HEMK2: variants seen among roughly 807,000 people sequenced by gnomAD.
HEMK2 encodes the protein methyltransferase HEMK2.
the HEMK2 span, among the ~76,000 whole-genome samples, chr21:28,604,126 G>A: frequency 6.6e-6 from 1 of 152,332 alleles, no homozygotes; most frequent in Admixed American, 6.5e-5. Context: ...GTCACACAAT[G>A]TTTTGGTGCA....
chr21:28,881,827 G>A, the HEMK2 span, among the ~76,000 whole-genome samples: 2 of 151,956 alleles, frequency 1.3e-5, no homozygotes, highest in Non-Finnish European at 1.5e-5. Context: ...TTGTAGAGAC[G>A]AGTTCTCACT....
chr21:28,701,318 T>A, the HEMK2 span, among the ~76,000 whole-genome samples: 2 of 152,014 alleles, frequency 1.3e-5, no homozygotes, highest in African/African-American at 2.4e-5. Flanking sequence ...GAGAAAGATA[T>A]AAAAGGCATC....
chr21:28,783,680 T>G, the HEMK2 span, among the ~76,000 whole-genome samples: 1 of 152,330 alleles, frequency 6.6e-6, no homozygotes, highest in African/African-American at 2.4e-5. Context: ...TTCGGCCCAC[T>G]GCTGCACTAT....
At chr21:28,786,797 G>C in the HEMK2 span, among the ~76,000 whole-genome samples, 1 of 151,998 alleles carries the variant, frequency 6.6e-6, no homozygotes, top group Non-Finnish European at 1.5e-5. Flanking sequence ...ATAGATAATA[G>C]TAATAACAGT....
At chr21:28,583,515 T>C in the HEMK2 span, among the ~76,000 whole-genome samples, 1 of 152,218 alleles carries the variant, frequency 6.6e-6, no homozygotes. Context: ...AACATAGACC[T>C]TGAAATAGGG....
At chr21:28,734,510 T>C in the HEMK2 span, among the ~76,000 whole-genome samples, 1 of 152,128 alleles carries the variant, frequency 6.6e-6, no homozygotes, top group Non-Finnish European at 1.5e-5. Context: ...TAGAAAGAAG[T>C]TTATATAATG....
the HEMK2 span, among the ~76,000 whole-genome samples, chr21:28,667,308 C>T: frequency 2.0e-4 from 31 of 152,206 alleles, no homozygotes; most frequent in African/African-American, 6.5e-4. Context: ...AATCCACCAT[C>T]AGGTTTCTGG....
chr21:28,774,411 G>A, the HEMK2 span, among the ~76,000 whole-genome samples: 29 of 152,122 alleles, frequency 1.9e-4, no homozygotes, highest in East Asian at 1.9e-3. Context: ...AACATGGTGA[G>A]ACACTGTCTC....
the HEMK2 span, among the ~76,000 whole-genome samples, chr21:28,721,380 G>T: frequency 2.0e-5 from 3 of 152,272 alleles, no homozygotes; most frequent in East Asian, 5.8e-4. Context: ...CTCCTAAAAT[G>T]CTGGGATGAC....
the HEMK2 span, among the ~76,000 whole-genome samples, chr21:28,748,452 G>C: frequency 6.6e-6 from 1 of 152,330 alleles, no homozygotes; most frequent in East Asian, 1.9e-4. Context: ...GTTGGAGTAA[G>C]TTCTTTTTCA....
the HEMK2 span, among the ~76,000 whole-genome samples, chr21:28,736,854 G>A: frequency 6.6e-6 from 1 of 151,556 alleles, no homozygotes; most frequent in African/African-American, 2.4e-5. Flanking sequence ...AACTGATCCA[G>A]TTGGGAAACT....
chr21:28,595,975 G>A, the HEMK2 span, among the ~76,000 whole-genome samples: 21 of 151,276 alleles, frequency 1.4e-4, no homozygotes, highest in African/African-American at 3.6e-4. Context: ...TAGTAGAGAC[G>A]GGGTTTCACC....
At chr21:28,688,380 C>T in the HEMK2 span, among the ~76,000 whole-genome samples, 2 of 152,154 alleles carry the variant, frequency 1.3e-5, no homozygotes, top group Admixed American at 1.3e-4. Context: ...CATATGCAAA[C>T]AATACTTACA....
At chr21:28,763,364 T>G in the HEMK2 span, among the ~76,000 whole-genome samples, 1 of 152,032 alleles carries the variant, frequency 6.6e-6, no homozygotes, top group African/African-American at 2.4e-5. Context: ...GGAACAAGCA[T>G]GTCATATGGT....
At chr21:28,841,750 T>G in the HEMK2 span, among the ~76,000 whole-genome samples, 1 of 151,342 alleles carries the variant, frequency 6.6e-6, no homozygotes, top group African/African-American at 2.4e-5. Flanking sequence ...TCTCACAAAA[T>G]CACCACTAAA....
chr21:28,660,111 GT>G, the HEMK2 span, among the ~76,000 whole-genome samples: 4 of 151,332 alleles, frequency 2.6e-5, no homozygotes, highest in African/African-American at 7.3e-5. Context: ...TCTTTCATTT[GT>G]TTTTTTCTAG....
chr21:28,595,712 T>C, the HEMK2 span, among the ~76,000 whole-genome samples: 3 of 152,182 alleles, frequency 2.0e-5, no homozygotes, highest in Admixed American at 2.0e-4. Flanking sequence ...ATTGCTACAT[T>C]GTATGGCAAC....
the HEMK2 span, among the ~76,000 whole-genome samples, chr21:28,794,654 T>C: frequency 6.6e-6 from 1 of 152,256 alleles, no homozygotes; most frequent in Non-Finnish European, 1.5e-5. Context: ...CCACATATTG[T>C]ATGACAAGCT....
At chr21:28,665,651 G>C in the HEMK2 span, among the ~76,000 whole-genome samples, 2 of 151,398 alleles carry the variant, frequency 1.3e-5, no homozygotes, top group Non-Finnish European at 2.9e-5. Flanking sequence ...CTGTAAACTA[G>C]TTCAACCATT....
Sources: gnomAD v4.1 joint callset for allele counts (sites outside exome capture counted in the v4.1 genomes callset) on GRCh38, gnomAD v4.1.1 for gene constraint, MANE v1.5 for transcripts, NCBI Gene and HGNC (gene_info 2026-07-23, HGNC 2026-07-21) for gene names.